Variants in LAMA4 observed in about 807,000 individuals in gnomAD.
LAMA4 encodes the protein laminin subunit alpha-4.
Under a neutral mutation model 207.1 loss-of-function variants are expected in LAMA4, and 127 were observed. That is an observed-to-expected ratio of 0.61 (90% CI 0.53 to 0.71). The LOEUF (loss-of-function observed/expected upper bound fraction) is 0.71. Ranked by LOEUF, LAMA4 falls within the 30% of genes least tolerant of loss-of-function variation. The pLI, the probability that LAMA4 is intolerant of heterozygous loss-of-function variation, is 0.00. For missense variants in LAMA4, 2,093 were observed against 2,246.5 expected (o/e 0.93, Z 1.38); for synonymous variants, 761 against 816.0 (o/e 0.93, Z 1.15).
chr6:112,214,617 G>A (rs372840414), intron 3 of LAMA4, among the ~76,000 whole-genome samples: 1 of 152,178 alleles, frequency 6.6e-6, no homozygotes, highest in East Asian at 1.9e-4. Context: ...ACAGGATGAG[G>A]TGGAGAAACC....
At chr6:112,155,731 T>A in intron 14 of LAMA4, 25 bp from the exon 15 acceptor site, 1 of 1,613,162 alleles carries the variant, frequency 6.2e-7, no homozygotes, top group Middle Eastern at 1.7e-4. Context: ...ACATTGTTAT[T>A]TCTCCTTCTT....
At chr6:112,192,812 T>C (rs572981089) in intron 5 of LAMA4, among the ~76,000 whole-genome samples, 8 of 152,282 alleles carry the variant, frequency 5.3e-5, no homozygotes, top group Admixed American at 1.3e-4. Flanking sequence ...CTGCTGTGAG[T>C]GGTGGGCCTG....
chr6:112,204,708 C>A (rs531136116), intron 4 of LAMA4, among the ~76,000 whole-genome samples: 3 of 152,280 alleles, frequency 2.0e-5, no homozygotes, highest in African/African-American at 7.2e-5. Context: ...TATACCAAGA[C>A]GGAGTGAAGG....
intron 9 of LAMA4, chr6:112,178,481 G>C: frequency 2.2e-6 from 1 of 460,186 alleles, no homozygotes; most frequent in Non-Finnish European, 4.0e-6. Flanking sequence ...GGTTACATGA[G>C]TAAGTTCTTT....
At chr6:112,234,265 A>T (rs782597450) in intron 2 of LAMA4, 1 of 152,112 alleles carries the variant, frequency 6.6e-6, no homozygotes, top group Non-Finnish European at 1.5e-5. Flanking sequence ...TAACTGCGAG[A>T]CTGGTTTAAT....
chr6:112,131,065 C>G lies in LAMA4; in HGVS notation c.3871G>C (p.Val1291Leu), dbSNP rs1554329611. ...TTGATTCCCTTTACATCCATGATGACAGTACCATTATCCAGTGAGATGGAG... is the reference window on the plus strand; with the variant it reads ...TTGATTCCCTTTACATCCATGATGAGAGTACCATTATCCAGTGAGATGGAG... ...VFSISLDNGTVIMDVKGIKVQ... is the reference protein window; with the variant it reads ...VFSISLDNGTLIMDVKGIKVQ... Residue 1291 changes from valine to leucine, a missense_variant, in exon 29 of 39, where the codon GTC becomes CTC. By Grantham distance (32) the Val-to-Leu change is conservative. Coordinates refer to ENST00000230538, the MANE Select transcript of LAMA4 (RefSeq NM_001105206.3). The G allele has an allele frequency of 6.2e-7, 1 of 1,613,058 alleles. No homozygotes were observed. Among genetic ancestry groups the G allele is most frequent in the Non-Finnish European group, 8.5e-7 (1 of 1,179,212 alleles).
chr6:112,193,472 A>AT (rs1462199291), intron 5 of LAMA4, among the ~76,000 whole-genome samples: 2 of 140,576 alleles, frequency 1.4e-5, no homozygotes, highest in African/African-American at 5.9e-5. Context: ...AAACAGATAC[A>AT]TAAAAAAAAA....
At chr6:112,192,023 C>T (rs1389094127) in intron 5 of LAMA4, among the ~76,000 whole-genome samples, 173 bp from the exon 6 acceptor site, 1 of 152,156 alleles carries the variant, frequency 6.6e-6, no homozygotes, top group East Asian at 1.9e-4. Flanking sequence ...AAGGAACTAC[C>T]CCTCCCCATT....
At chr6:112,129,279 A>G (rs1299512947) in intron 30 of LAMA4, among the ~76,000 whole-genome samples, 5 of 152,044 alleles carry the variant, frequency 3.3e-5, no homozygotes, top group African/African-American at 1.2e-4. Context: ...GTTAATAACT[A>G]TGTGCCTGGC....
At chr6:112,153,228 G>A (rs1286201284) in intron 16 of LAMA4, among the ~76,000 whole-genome samples, 3 of 151,886 alleles carry the variant, frequency 2.0e-5, no homozygotes, top group Admixed American at 6.6e-5. Flanking sequence ...ATGGAGAAAT[G>A]TAATCTGAAA....
Position 112,254,208 on chromosome 6 carries a change from G to A in LAMA4, c.-58C>T. On this transcript the variant is annotated 5_prime_UTR_variant, in exon 2 of 39. Transcript: ENST00000230538. ...GGCTCGGGCGCTGTGGGTCTCCGTA[G>A]GTCTCCCGCGTGGTGCGGCGGTGCC... 2 of 1,607,688 alleles carry A rather than the reference G, an allele frequency of 1.2e-6. No individual in the cohort carries two copies. Among genetic ancestry groups the A allele is most frequent in the East Asian group, 2.2e-5 (1 of 44,800 alleles).
chr6:112,187,722 A>C (rs980024019), intron 7 of LAMA4, 121 bp from the exon 8 acceptor site: 81 of 1,004,660 alleles, frequency 8.1e-5, no homozygotes, highest in Non-Finnish European at 1.1e-4. Flanking sequence ...TCTCATGAAG[A>C]GCTGTAATTC....
At chr6:112,250,675 T>TC (rs1410361365) in intron 2 of LAMA4, among the ~76,000 whole-genome samples, 1 of 152,160 alleles carries the variant, frequency 6.6e-6, no homozygotes, top group East Asian at 1.9e-4. Flanking sequence ...GTCAGAAGAG[T>TC]CCTTGCCTTC....
At chr6:112,236,463 T>C (rs1341764636) in intron 2 of LAMA4, 4 of 152,230 alleles carry the variant, frequency 2.6e-5, no homozygotes, top group Admixed American at 2.0e-4. Flanking sequence ...GTATCAACAC[T>C]ATTTTCTACC....
At position 112,144,890 on chromosome 6, in the gene LAMA4, A is replaced by G; in HGVS notation, c.2397T>C (p.Leu799=). 2 of 1,614,042 alleles carry G rather than the reference A, an allele frequency of 1.2e-6. No homozygotes were observed. The highest frequency in any genetic ancestry group is 1.7e-6 in the Non-Finnish European group (2 of 1,180,000). ...TEVVPQLLDQ[L]RTVEQKRPAS... is the part of the protein sequence containing the mutation. ...CAGGTCGCTTCTGCTCAACCGTACG[A>G]AGCTGATCCAGGAGCTGAGGGACAA... Residue 799 remains leucine (L), a synonymous_variant, in exon 19 of 39, where the codon CTT becomes CTC. Coordinates refer to ENST00000230538, the MANE Select transcript of LAMA4 (RefSeq NM_001105206.3).
chr6:112,201,859 G>A (rs1783766086), intron 4 of LAMA4, among the ~76,000 whole-genome samples, 171 bp from the exon 5 acceptor site: 1 of 152,136 alleles, frequency 6.6e-6, no homozygotes, highest in African/African-American at 2.4e-5. Context: ...TAGGCTAGCA[G>A]GCCCCAAAAG....
Position 112,189,113 on chromosome 6 carries a change from T to C in LAMA4, c.811A>G (p.Ile271Val), listed in dbSNP as rs782116852. 14 of 1,608,124 alleles carry C rather than the reference T, an allele frequency of 8.7e-6. No homozygotes were observed. The highest frequency in any genetic ancestry group is 2.2e-5 in the East Asian group (1 of 44,826). Residue 271 changes from isoleucine to valine, a missense_variant, in exon 7 of 39, where the codon ATA becomes GTA. Physicochemically the swap from Ile to Val is conservative, Grantham distance 29. Transcript: ENST00000230538. ...AATCATGTACTGTTATTTTTACTTA[T>C]GGTTGGGCAGTCCATGCCTGTAGGG... ...EPPTGMDCPTISCDKCVWDLT... is the reference protein window; with the variant it reads ...EPPTGMDCPTVSCDKCVWDLT...
At chr6:112,216,655 T>C (rs1784643198) in intron 2 of LAMA4, 186 bp from the exon 3 acceptor site, 1 of 610,858 alleles carries the variant, frequency 1.6e-6, no homozygotes, top group Non-Finnish European at 2.9e-6. Context: ...ATAGATGATG[T>C]ATATATAATC....
intron 27 of LAMA4, 60 bp from the exon 28 acceptor site, chr6:112,132,950 C>CA: frequency 6.6e-7 from 1 of 1,522,548 alleles, no homozygotes; most frequent in Non-Finnish European, 9.1e-7. Context: ...TTAAAACTAT[C>CA]AATGTTTCAC....
Sources: gnomAD v4.1 joint callset for allele counts (sites outside exome capture counted in the v4.1 genomes callset) on GRCh38, gnomAD v4.1.1 for gene constraint, MANE v1.5 for transcripts, NCBI Gene and HGNC (gene_info 2026-07-23, HGNC 2026-07-21) for gene names.